DPP10: variants seen among roughly 807,000 people sequenced by gnomAD.
DPP10 encodes inactive dipeptidyl peptidase 10.
In DPP10, 33 loss-of-function variants were observed where a neutral mutation model predicts 120.9. That is an observed-to-expected ratio of 0.27 (90% CI 0.21 to 0.37). The LOEUF (loss-of-function observed/expected upper bound fraction) is 0.37. DPP10 is among the 10% of genes least tolerant of loss of function. The probability of loss-of-function intolerance (pLI) is 1.00; values close to 1 mark genes in which losing one functional copy is unlikely to be tolerated. For missense variants in DPP10, 816 were observed against 942.8 expected, an observed-to-expected ratio of 0.87 and a Z score of 1.76; for synonymous variants, 337 against 326.1, an observed-to-expected ratio of 1.03 and a Z score of -0.36.
At chr2:114,560,902 G>A (rs1193970341) in intron 1 of DPP10, among the ~76,000 whole-genome samples, 1 of 152,198 alleles carries the variant, frequency 6.6e-6, no homozygotes, top group East Asian at 1.9e-4. Context: ...TCCTTGGGGA[G>A]AAGTCTCATG....
At chr2:115,715,530 A>G (rs1357297222) in intron 7 of DPP10, among the ~76,000 whole-genome samples, 1 of 152,070 alleles carries the variant, frequency 6.6e-6, no homozygotes, top group African/African-American at 2.4e-5. Flanking sequence ...TATTATAAAC[A>G]TACCATACCA....
chr2:114,500,095 G>A (rs1399264253), intron 1 of DPP10, among the ~76,000 whole-genome samples: 1 of 152,108 alleles, frequency 6.6e-6, no homozygotes, highest in Admixed American at 6.6e-5. Flanking sequence ...TTCTATCGTG[G>A]CACATTTTAT....
intron 5 of DPP10, among the ~76,000 whole-genome samples, chr2:115,610,046 C>A (rs576959129): frequency 3.9e-4 from 60 of 152,216 alleles, no homozygotes; most frequent in South Asian, 3.5e-3. Context: ...TTTCTGTGGT[C>A]AAAAACATGG....
intron 1 of DPP10, among the ~76,000 whole-genome samples, chr2:115,030,718 A>G (rs749106341): frequency 6.6e-6 from 1 of 152,090 alleles, no homozygotes; most frequent in African/African-American, 2.4e-5. Flanking sequence ...GTTCCCACTT[A>G]TAAGTGAGAA....
At chr2:114,604,554 C>T (rs921115520) in intron 1 of DPP10, among the ~76,000 whole-genome samples, 3 of 152,090 alleles carry the variant, frequency 2.0e-5, no homozygotes, top group Admixed American at 1.3e-4. Context: ...AGAAGCCTCA[C>T]ATGGAAGAGC....
intron 4 of DPP10, among the ~76,000 whole-genome samples, chr2:115,518,449 C>T (rs2077620669): frequency 1.3e-5 from 2 of 152,014 alleles, no homozygotes; most frequent in African/African-American, 4.8e-5. Context: ...CTTTGAAGCA[C>T]TACTATTTTT....
chr2:114,477,819 GTATA>G (rs1200658434), intron 1 of DPP10, among the ~76,000 whole-genome samples: 7 of 86,914 alleles, frequency 8.1e-5, no homozygotes, highest in Middle Eastern at 6.8e-3. Context: ...ACATATGTGT[GTATA>G]TATGTATGTA....
chr2:115,413,206 A>C (rs2104598123), intron 3 of DPP10, among the ~76,000 whole-genome samples: 1 of 152,308 alleles, frequency 6.6e-6, no homozygotes, highest in East Asian at 1.9e-4. Flanking sequence ...CCAGGAGATT[A>C]GCAAGAAGTC....
At chr2:115,761,693 G>GA (rs1007327754) in intron 11 of DPP10, among the ~76,000 whole-genome samples, 12 of 148,232 alleles carry the variant, frequency 8.1e-5, no homozygotes, top group Admixed American at 2.0e-4. Flanking sequence ...AAGATCTATT[G>GA]AAAAAAAAAG....
intron 3 of DPP10, among the ~76,000 whole-genome samples, chr2:115,422,353 G>T (rs2070054112): frequency 6.6e-6 from 1 of 152,186 alleles, no homozygotes; most frequent in Non-Finnish European, 1.5e-5. Flanking sequence ...GGAAGTTTTA[G>T]AAGTTATTTC....
intron 2 of DPP10, among the ~76,000 whole-genome samples, chr2:115,311,731 TATTA>T (rs559655895): frequency 7.2e-4 from 110 of 152,284 alleles, no homozygotes; most frequent in Non-Finnish European, 1.3e-3. Flanking sequence ...TTTCATATGA[TATTA>T]ATCATATAAA....
rs145614283 is a variant in DPP10, at chr2:115,365,346, C to T, written c.271+21434C>T. 3.3e-5 allele frequency among the ~76,000 whole-genome samples: 5 copies of T among 151,988 alleles called. No individual in the cohort carries two copies. In the East Asian group the frequency reaches 9.7e-4, roughly 29 times the overall value. The stretch of plus-strand genomic sequence containing the variant: ...TTAAAATAGGAATAATTTGGACTCT[C>T]ACAGAGGAACATTTTCAAGTTATGG... On this transcript the variant is annotated intron_variant, in intron 3 of 25. Coordinates refer to ENST00000410059, the MANE Select transcript of DPP10 (RefSeq NM_020868.6).
chr2:115,068,802 C>T (rs1707133893), intron 1 of DPP10, among the ~76,000 whole-genome samples: 1 of 152,006 alleles, frequency 6.6e-6, no homozygotes, highest in Non-Finnish European at 1.5e-5. Context: ...AGCAGTTTTC[C>T]CAACATCTTT....
chr2:115,560,069 A>T (rs1041244400), intron 5 of DPP10, among the ~76,000 whole-genome samples: 1 of 151,874 alleles, frequency 6.6e-6, no homozygotes, highest in Non-Finnish European at 1.5e-5. Flanking sequence ...CGTTCAAAGA[A>T]CTAACTGCTG....
In DPP10 at chr2:115,803,758, C is replaced by T. The variant is rs186758819; in HGVS notation, c.1701-11035C>T. Among the ~76,000 whole-genome samples, 1,394 of 152,196 alleles carry T rather than the reference C, an allele frequency of 9.2e-3. 17 individuals are homozygous for T. Among genetic ancestry groups the T allele is most frequent in the South Asian group, 0.028 (136 of 4,820 alleles). On this transcript the variant is annotated intron_variant, in intron 19 of 25. Coordinates refer to ENST00000410059, the MANE Select transcript of DPP10 (RefSeq NM_020868.6). Reference sequence around the variant, plus strand: ...TTCTTTAAGAATGTTAAATATTGGCCCCCACTATCTTCTGGCTTCTAGAGT... The same window carrying T: ...TTCTTTAAGAATGTTAAATATTGGCTCCCACTATCTTCTGGCTTCTAGAGT...
chr2:114,746,742 A>C (rs1678617072), intron 1 of DPP10, among the ~76,000 whole-genome samples: 1 of 152,252 alleles, frequency 6.6e-6, no homozygotes, highest in African/African-American at 2.4e-5. Flanking sequence ...AGAACTCTGA[A>C]TAAGGAATCA....
rs151230466 is a variant in DPP10, at chr2:114,554,936, A to T, written c.60+112098A>T. 1.9e-3 allele frequency among the ~76,000 whole-genome samples: 291 copies of T among 152,340 alleles called. 2 individuals carry two copies. The highest frequency in any genetic ancestry group is 6.5e-3 in the African/African-American group (270 of 41,578). ...AGGTTAATAAAGAGAAGAGGGGAAG[A>T]GCCAGGAGCACAAGCAGTGTCCACG... On this transcript the variant is annotated intron_variant, in intron 1 of 25. Transcript: ENST00000410059.
At chr2:115,511,048 T>C (rs1158526680) in intron 4 of DPP10, among the ~76,000 whole-genome samples, 1 of 152,184 alleles carries the variant, frequency 6.6e-6, no homozygotes, top group Non-Finnish European at 1.5e-5. Flanking sequence ...TAAGGGGTTA[T>C]CAGTCTGTAG....
intron 21 of DPP10, among the ~76,000 whole-genome samples, chr2:115,835,090 C>G (rs533186545): frequency 1.3e-5 from 2 of 151,126 alleles, no homozygotes; most frequent in Non-Finnish European, 2.9e-5. Flanking sequence ...GAGCCGAGAT[C>G]GCACCACTGC....
Sources: allele counts gnomAD v4.1 joint callset (sites outside exome capture counted in the v4.1 genomes callset), GRCh38; gene constraint gnomAD v4.1.1; transcripts MANE v1.5; gene names NCBI Gene and HGNC (gene_info 2026-07-23, HGNC 2026-07-21).